Variants in PRKD3 observed in about 807,000 individuals in gnomAD.
PRKD3 encodes the protein serine/threonine-protein kinase D3.
PRKD3 carries 47 observed loss-of-function variants against 99.2 expected under a neutral mutation model. That is an observed-to-expected ratio of 0.47 (90% confidence interval 0.38 to 0.60). The LOEUF (loss-of-function observed/expected upper bound fraction) is 0.60, where lower values mean the gene tolerates loss of function less well. PRKD3 is among the 20% of genes least tolerant of loss of function. The pLI is 0.00. For missense variants in PRKD3, 1,019 were observed against 1,088.4 expected, an observed-to-expected ratio of 0.94 and a Z score of 0.90; for synonymous variants, 392 against 355.4, an observed-to-expected ratio of 1.10 and a Z score of -1.16.
intron 2 of PRKD3, among the ~76,000 whole-genome samples, chr2:37,301,111 A>G (rs2124869344): frequency 6.6e-6 from 1 of 152,116 alleles, no homozygotes; most frequent in South Asian, 2.1e-4. Context: ...ATTTTTGCTT[A>G]TTTTTAATGG....
chr2:37,317,507 A>T (rs1320803143), intron 1 of PRKD3, among the ~76,000 whole-genome samples: 1 of 152,012 alleles, frequency 6.6e-6, no homozygotes, highest in African/African-American at 2.4e-5. Flanking sequence ...TTATATCAAA[A>T]ACAGAAGGGA....
At chr2:37,307,865 T>G (rs1671230530) in intron 2 of PRKD3, among the ~76,000 whole-genome samples, 1 of 152,232 alleles carries the variant, frequency 6.6e-6, no homozygotes, top group Non-Finnish European at 1.5e-5. Context: ...CTGTTAGAGA[T>G]ATTTTCTTGG....
intron 2 of PRKD3, among the ~76,000 whole-genome samples, chr2:37,309,560 T>A (rs1045368646): frequency 6.6e-6 from 1 of 152,068 alleles, no homozygotes; most frequent in Non-Finnish European, 1.5e-5. Flanking sequence ...TAAAGAAGCA[T>A]ATTTGGCCAA....
chr2:37,310,317 G>A (rs548979184), intron 2 of PRKD3, among the ~76,000 whole-genome samples: 4 of 152,146 alleles, frequency 2.6e-5, no homozygotes, highest in Non-Finnish European at 5.9e-5. Flanking sequence ...AGCATATACT[G>A]TGTGATTACT....
At position 37,313,337 on chromosome 2, in the gene PRKD3, GAA is replaced by G. The variant is rs35889491; in HGVS notation, c.288+2898_288+2899del. 3.5e-5 allele frequency among the ~76,000 whole-genome samples: 5 copies of G among 143,938 alleles called. No individual in the cohort carries two copies. The East Asian group carries it at 9.9e-4, about 29-fold the overall frequency. The allele number at this position is 143,938 out of a possible 152,430, so 94.4% of individuals were successfully genotyped here. On this transcript the variant is annotated intron_variant, in intron 2 of 18. Transcript: ENST00000234179. Reference sequence around the variant, plus strand: ...TGACCCCTGCATTAGCGGAATTGATGAAAAAAAAAAAAACTGTAAAGAGTATA... The same window carrying G: ...TGACCCCTGCATTAGCGGAATTGATGAAAAAAAAAAACTGTAAAGAGTATA...
At chr2:37,260,025 C>T (rs774118275) in intron 15 of PRKD3, among the ~76,000 whole-genome samples, 198 bp downstream of exon 15, 4 of 151,952 alleles carry the variant, frequency 2.6e-5, no homozygotes, top group Non-Finnish European at 4.4e-5. Flanking sequence ...ATTAGCCAGG[C>T]GTGGTGGCAC....
At chr2:37,312,276 AT>A (rs1360214503) in intron 2 of PRKD3, among the ~76,000 whole-genome samples, 1 of 152,202 alleles carries the variant, frequency 6.6e-6, no homozygotes, top group Non-Finnish European at 1.5e-5. Flanking sequence ...TATTCATTTG[AT>A]TATAACTATT....
intron 2 of PRKD3, among the ~76,000 whole-genome samples, chr2:37,302,435 A>C (rs941359739): frequency 2.6e-5 from 4 of 152,242 alleles, no homozygotes; most frequent in African/African-American, 4.8e-5. Flanking sequence ...ATTTTAAAAA[A>C]TAATCTTTCT....
Position 37,274,473 on chromosome 2 carries a change from A to G in PRKD3, c.1599T>C (p.Pro533=). The G allele has an allele frequency of 6.2e-7, 1 of 1,614,156 alleles. No homozygotes were observed. The highest frequency in any genetic ancestry group is 8.5e-7 in the Non-Finnish European group (1 of 1,179,988). The change falls in exon 11 of 19, where the codon CCT becomes CCC. Residue 533 remains proline, a synonymous_variant. Transcript: ENST00000234179. The part of the protein sequence containing the change: ...WEKAIRQALM[P]VTPQASVCTS... ...TGCAAACACTTGCTTGAGGAGTAAC[A>G]GGCATGAGGGCTTGGCGAATTGCTT... is the stretch of plus-strand genomic sequence containing the variant.
chr2:37,272,104 C>G (rs939256527), intron 12 of PRKD3, among the ~76,000 whole-genome samples: 2 of 152,120 alleles, frequency 1.3e-5, no homozygotes, highest in Non-Finnish European at 2.9e-5. Context: ...CCCTGCTGAC[C>G]CCACAAGAAG....
Position 37,292,642 on chromosome 2 carries a change from G to C in PRKD3, c.427+491C>G, listed in dbSNP as rs540485565. On this transcript the variant is annotated intron_variant, in intron 3 of 18. Transcript: ENST00000234179. ...ATTACAGGCGTGAGCCACCGCGCCA[G>C]GCCTTTCTTTTGCTTTTTTAAAGAG... 2.7e-5 allele frequency among the ~76,000 whole-genome samples: 4 copies of C among 150,150 alleles called. No individual in the cohort carries two copies. In the East Asian group the frequency reaches 6.0e-4, roughly 22 times the overall value.
At chr2:37,286,691 A>T (rs1558555397) in intron 5 of PRKD3, among the ~76,000 whole-genome samples, 1 of 152,226 alleles carries the variant, frequency 6.6e-6, no homozygotes, top group Non-Finnish European at 1.5e-5. Context: ...AAATGAAGAA[A>T]GTATTATTGC....
chr2:37,288,735 G>C (rs1394126563), intron 5 of PRKD3, among the ~76,000 whole-genome samples: 1 of 152,152 alleles, frequency 6.6e-6, no homozygotes, highest in African/African-American at 2.4e-5. Context: ...AAGTCACTTA[G>C]CTGCTCTGTG....
chr2:37,299,740 A>C (rs953760572), intron 2 of PRKD3, among the ~76,000 whole-genome samples: 3 of 152,142 alleles, frequency 2.0e-5, no homozygotes, highest in African/African-American at 7.2e-5. Context: ...TAAATAATAC[A>C]TTTCTCAAAA....
intron 12 of PRKD3, 91 bp downstream of exon 12, chr2:37,272,289 C>T (rs1476704885): frequency 1.8e-5 from 28 of 1,541,038 alleles, no homozygotes; most frequent in South Asian, 7.4e-5. Context: ...GTACTTTGGG[C>T]GATGAACCAA....
chr2:37,269,102 C>G (rs1194908532), intron 13 of PRKD3: 1 of 159,310 alleles, frequency 6.3e-6, no homozygotes, highest in South Asian at 1.8e-4. Flanking sequence ...ATGAGCTACA[C>G]AGGTCAGGTT....
intron 2 of PRKD3, among the ~76,000 whole-genome samples, chr2:37,301,363 G>T (rs1670920770): frequency 6.8e-6 from 1 of 148,062 alleles, no homozygotes; most frequent in Non-Finnish European, 1.5e-5. Context: ...AAGGAGAAGA[G>T]CCTTTTTTTT....
rs188954415 is a variant in PRKD3, at chr2:37,274,818, A to G, written c.1375-121T>C. On this transcript the variant is annotated intron_variant, in intron 10 of 18. Transcript: ENST00000234179. The stretch of plus-strand genomic sequence containing the variant: ...CCATTAAGACGGACACAAGTATGCA[A>G]CATTTAATACACAGTTGAGTCTTAT... The G allele has an allele frequency of 3.8e-4, 355 of 939,734 alleles. 3 individuals carry two copies. The highest frequency in any genetic ancestry group is 2.0e-5 in the Non-Finnish European group (13 of 636,890). 58.2% of individuals were successfully genotyped at this position (939,734 alleles called of 1,614,324 possible).
At chr2:37,266,018 G>A (rs1430821900) in intron 14 of PRKD3, among the ~76,000 whole-genome samples, 1 of 151,974 alleles carries the variant, frequency 6.6e-6, no homozygotes, top group African/African-American at 2.4e-5. Flanking sequence ...AATTAGATAC[G>A]CAAAAATACC....
Sources: allele counts gnomAD v4.1 joint callset (sites outside exome capture counted in the v4.1 genomes callset), GRCh38; gene constraint gnomAD v4.1.1; transcripts MANE v1.5; gene names NCBI Gene and HGNC (gene_info 2026-07-23, HGNC 2026-07-21).